Variants in SIPA1L3 observed in about 807,000 individuals in gnomAD.
The protein encoded by SIPA1L3 is signal induced proliferation associated 1 like 3, also known as signal-induced proliferation-associated 1-like protein 3.
Under a neutral mutation model 150.1 loss-of-function variants are expected in SIPA1L3, and 59 were observed. The ratio of observed to expected loss-of-function variants is 0.39; its 90% confidence interval spans 0.32 to 0.49. The LOEUF is 0.49. SIPA1L3 is among the 20% of genes least tolerant of loss of function. SIPA1L3 has a pLI of 0.86. For synonymous variants in SIPA1L3, 1,070 were observed against 1,077.6 expected (o/e 0.99, Z 0.14); for missense variants, 2,211 against 2,489.5 (o/e 0.89, Z 2.38).
At position 38,185,195 on chromosome 19, in the gene SIPA1L3, C is replaced by T. The variant is rs1972651322; in HGVS notation, c.4430+2455C>T. 1.3e-5 allele frequency: 2 copies of T among 152,356 alleles called. 1 individual carries two copies. The highest frequency in any genetic ancestry group is 4.1e-4 in the South Asian group (2 of 4,838). The allele number at this position is 152,356 out of a possible 1,614,324, so 9.4% of individuals were successfully genotyped here. A position where few individuals can be genotyped will look rare whatever the true frequency, so the allele number is the denominator to read the frequency against. On this transcript the variant is annotated intron_variant, in intron 16 of 21. Transcript: ENST00000222345. ...TTCTGTGTCACTGTACTCTGTTCCACATCCCGTGTCCCCCATGGGAAACAG... is the reference window on the plus strand; with the variant it reads ...TTCTGTGTCACTGTACTCTGTTCCATATCCCGTGTCCCCCATGGGAAACAG...
chr19:37,965,703 C>T (rs575927243), intron 1 of SIPA1L3, among the ~76,000 whole-genome samples: 17 of 151,702 alleles, frequency 1.1e-4, no homozygotes, highest in Non-Finnish European at 2.2e-4. Flanking sequence ...CTGTCTTCTA[C>T]CCACCTCCCT....
At chr19:37,994,348 G>A (rs1967582700) in intron 1 of SIPA1L3, among the ~76,000 whole-genome samples, 2 of 152,178 alleles carry the variant, frequency 1.3e-5, no homozygotes, top group South Asian at 4.1e-4. Context: ...TCTGGGATAT[G>A]GTACAAGTGG....
intron 12 of SIPA1L3, among the ~76,000 whole-genome samples, chr19:38,151,256 C>G (rs954923658): frequency 1.3e-4 from 20 of 152,242 alleles, no homozygotes; most frequent in African/African-American, 4.8e-4. Context: ...TGCTGGGTAA[C>G]AGACACCTGA....
intron 10 of SIPA1L3, among the ~76,000 whole-genome samples, chr19:38,136,760 T>C (rs1426608786): frequency 6.6e-6 from 1 of 152,150 alleles, no homozygotes; most frequent in East Asian, 1.9e-4. Flanking sequence ...GGAATCTTCA[T>C]TATTTGCTGA....
intron 1 of SIPA1L3, among the ~76,000 whole-genome samples, chr19:37,933,248 C>T (rs779006661): frequency 1.3e-5 from 2 of 151,930 alleles, no homozygotes; most frequent in African/African-American, 2.4e-5. Context: ...CCCTCGGAGA[C>T]TTTGCCCTGG....
At chr19:38,176,081 C>G (rs1972429210) in intron 15 of SIPA1L3, among the ~76,000 whole-genome samples, 1 of 152,162 alleles carries the variant, frequency 6.6e-6, no homozygotes, top group African/African-American at 2.4e-5. Flanking sequence ...ATGGTGGGTA[C>G]CTGTAATCCC....
At chr19:38,110,468 C>G in intron 8 of SIPA1L3, 84 bp downstream of exon 8, 1 of 1,135,090 alleles carries the variant, frequency 8.8e-7, no homozygotes, top group African/African-American at 1.5e-5. Flanking sequence ...ACAGGGCCCC[C>G]CCACACCTCA....
intron 1 of SIPA1L3, among the ~76,000 whole-genome samples, chr19:37,973,012 T>A (rs1351186352): frequency 6.6e-6 from 1 of 151,988 alleles, no homozygotes. Flanking sequence ...GGAAATGTAG[T>A]CCTCATTCAA....
intron 2 of SIPA1L3, among the ~76,000 whole-genome samples, chr19:38,038,756 C>A (rs140276935): frequency 6.6e-6 from 1 of 152,302 alleles, no homozygotes; most frequent in Non-Finnish European, 1.5e-5. Flanking sequence ...CCTTGCTGTA[C>A]ATTAGAATTA....
chr19:37,971,570 G>T (rs987770801), intron 1 of SIPA1L3, among the ~76,000 whole-genome samples: 39 of 149,456 alleles, frequency 2.6e-4, no homozygotes, highest in South Asian at 4.2e-4. Context: ...GTTTTTTGGG[G>T]TTTTTTTTTT....
At chr19:38,191,031 T>A (rs564140939) in intron 16 of SIPA1L3, among the ~76,000 whole-genome samples, 1 of 152,336 alleles carries the variant, frequency 6.6e-6, no homozygotes, top group South Asian at 2.1e-4. Context: ...GACAAGTGGC[T>A]AAACTCCTCT....
chr19:38,098,302 G>C (rs188736307), intron 4 of SIPA1L3, among the ~76,000 whole-genome samples: 8 of 151,926 alleles, frequency 5.3e-5, no homozygotes, highest in African/African-American at 1.7e-4. Context: ...CTTTCCTCAT[G>C]ATTGCAATCT....
chr19:38,201,638 G>C (rs1421984014), intron 19 of SIPA1L3, among the ~76,000 whole-genome samples: 1 of 152,210 alleles, frequency 6.6e-6, no homozygotes, highest in Non-Finnish European at 1.5e-5. Context: ...CTGGTCGTTG[G>C]ATCGAAAGCC....
At position 38,082,927 on chromosome 19, in the gene SIPA1L3, C is replaced by G. The variant is rs779261920; in HGVS notation, c.1362C>G (p.Ser454Arg). The G allele has an allele frequency of 5.0e-6, 8 of 1,612,898 alleles. No individual in the cohort carries two copies. The Middle Eastern group carries it at 4.9e-4, about 99-fold the overall frequency. ...FSRASVGSPS[S>R]GEGHLAEPAL... ...GGGCTTCCGTGGGCTCCCCGAGCAGCGGCGAGGGCCACCTGGCAGAGCCCG... is the reference window on the plus strand; with the variant it reads ...GGGCTTCCGTGGGCTCCCCGAGCAGGGGCGAGGGCCACCTGGCAGAGCCCG... The change falls in exon 3 of 22, where the codon AGC (serine) becomes AGG (arginine). Residue 454 changes from serine (S) to arginine (R), a missense_variant. This residue lies in a region of SIPA1L3 where 587 missense variants were observed against 534.5 expected (regional missense o/e 1.10). Coordinates refer to ENST00000222345, the MANE Select transcript of SIPA1L3 (RefSeq NM_015073.3).
At chr19:38,095,293 A>G (rs1970352777) in intron 4 of SIPA1L3, among the ~76,000 whole-genome samples, 2 of 152,178 alleles carry the variant, frequency 1.3e-5, no homozygotes, top group Admixed American at 6.5e-5. Flanking sequence ...CATTTTATCA[A>G]TGAGGAAATA....
intron 4 of SIPA1L3, 117 bp downstream of exon 4, chr19:38,088,968 G>C (rs769007500): frequency 1.8e-4 from 199 of 1,102,208 alleles, no homozygotes; most frequent in Admixed American, 6.6e-5. Context: ...CAACAACCCC[G>C]GGAGAGCAAT....
intron 15 of SIPA1L3, among the ~76,000 whole-genome samples, chr19:38,168,115 G>A (rs901503282): frequency 2.6e-5 from 4 of 152,156 alleles, no homozygotes; most frequent in African/African-American, 7.2e-5. Context: ...GGCCGGGCAC[G>A]GTGGCTCACG....
intron 1 of SIPA1L3, among the ~76,000 whole-genome samples, chr19:37,993,921 G>A (rs1967573137): frequency 6.6e-6 from 1 of 151,908 alleles, no homozygotes; most frequent in African/African-American, 2.4e-5. Flanking sequence ...TTAGAGACGG[G>A]TCTTGCTCTG....
intron 3 of SIPA1L3, among the ~76,000 whole-genome samples, chr19:38,084,762 C>CT (rs912545731): frequency 6.6e-6 from 1 of 151,446 alleles, no homozygotes; most frequent in Admixed American, 6.6e-5. Flanking sequence ...GCCTCAGCCT[C>CT]CTGAGTAGCT....
Sources: gnomAD v4.1 joint callset for allele counts (sites outside exome capture counted in the v4.1 genomes callset) on GRCh38, gnomAD v4.1.1 for gene constraint, gnomAD v4.1.1 regional missense constraint, MANE v1.5 for transcripts, NCBI Gene and HGNC (gene_info 2026-07-23, HGNC 2026-07-21) for gene names.